Variants in APP observed in about 807,000 individuals in gnomAD.
APP encodes the protein amyloid beta precursor protein.
APP carries 31 observed loss-of-function variants against 101.4 expected under a neutral mutation model. That is an observed-to-expected ratio of 0.31 (90% CI 0.23 to 0.41). APP has a LOEUF of 0.41. Among genes scored for constraint, APP ranks in the 10% least tolerant of loss-of-function variants. APP has a pLI of 1.00. For missense variants in APP, 839 were observed against 1,003.7 expected, an observed-to-expected ratio of 0.84 and a Z score of 2.22; for synonymous variants, 366 against 364.4, an observed-to-expected ratio of 1.00 and a Z score of -0.05.
chr21:26,022,336 CA>C (rs1165819171), intron 5 of APP, among the ~76,000 whole-genome samples: 1 of 152,026 alleles, frequency 6.6e-6, no homozygotes, highest in African/African-American at 2.4e-5. Context: ...GCCAGTGGTT[CA>C]GGGGGAGTGG....
At chr21:25,954,554 T>C (rs200835481) in intron 13 of APP, 36 bp downstream of exon 13, 13 of 1,548,502 alleles carry the variant, frequency 8.4e-6, no homozygotes, top group African/African-American at 8.2e-5. Context: ...GGAAAATACA[T>C]GTCCATGTGC....
intron 1 of APP, among the ~76,000 whole-genome samples, chr21:26,136,205 A>AAAGAAAGAAAGAAAGAAAGAAAGAAG (rs758175200): frequency 6.8e-5 from 8 of 116,984 alleles, no homozygotes; most frequent in African/African-American, 2.9e-4. Context: ...AAGAAAGAAA[A>AAAGAAAGAAAGAAAGAAAGAAAGAAG]GAAAAGAAAG....
upstream of APP, chr21:26,170,837 C>T (rs1761849610): frequency 8.2e-6 from 4 of 487,776 alleles, no homozygotes; most frequent in South Asian, 1.4e-4. Flanking sequence ...CCCCGCTCGG[C>T]ACCCGAGAGA....
intron 13 of APP, among the ~76,000 whole-genome samples, chr21:25,914,617 A>C (rs111262630): frequency 2.1e-5 from 3 of 141,646 alleles, no homozygotes; most frequent in South Asian, 2.2e-4. Context: ...GCAGTGGCGC[A>C]ATCTCGGCTC....
intron 7 of APP, 35 bp from the exon 8 acceptor site, chr21:25,997,451 A>G: frequency 1.9e-6 from 3 of 1,562,222 alleles, no homozygotes; most frequent in Non-Finnish European, 2.6e-6. Flanking sequence ...ACTAAAAACA[A>G]AAAGAGAAAC....
chr21:26,051,823 A>C (rs2045851276), intron 4 of APP, among the ~76,000 whole-genome samples: 1 of 152,242 alleles, frequency 6.6e-6, no homozygotes, highest in Non-Finnish European at 1.5e-5. Flanking sequence ...AGCATCCACT[A>C]GTGATAAATG....
At chr21:26,159,224 T>C (rs1429341688) in intron 1 of APP, among the ~76,000 whole-genome samples, 1 of 152,000 alleles carries the variant, frequency 6.6e-6, no homozygotes, top group Non-Finnish European at 1.5e-5. Context: ...GGACTACAGG[T>C]GCCTGTCACC....
chr21:26,104,142 C>G (rs977022314), intron 2 of APP, among the ~76,000 whole-genome samples: 1 of 152,102 alleles, frequency 6.6e-6, no homozygotes, highest in Non-Finnish European at 1.5e-5. Context: ...TATAAGGGCA[C>G]TAGTTCCATC....
intron 4 of APP, among the ~76,000 whole-genome samples, chr21:26,051,775 T>A (rs745355759): frequency 6.6e-6 from 1 of 152,230 alleles, no homozygotes; most frequent in Non-Finnish European, 1.5e-5. Flanking sequence ...TGGGATTTGC[T>A]AAATTTGCAC....
At position 25,881,266 on chromosome 21, in the gene APP, A is replaced by T. The variant is rs199765959; in HGVS notation, c.*404T>A. Reference sequence around the variant, plus strand: ...GAAGCAGCTGAACTCCCACGTTCACATGAAGCATCCCCCATCGATTCTTAA... The same window carrying T: ...GAAGCAGCTGAACTCCCACGTTCACTTGAAGCATCCCCCATCGATTCTTAA... On this transcript the variant is annotated 3_prime_UTR_variant, in exon 18 of 18. Coordinates refer to ENST00000346798, the MANE Select transcript of APP (RefSeq NM_000484.4). The T allele has an allele frequency of 1.1e-5, 3 of 265,340 alleles. No individual in the cohort carries two copies. The highest frequency in any genetic ancestry group is 2.2e-5 in the African/African-American group (1 of 44,826). The allele number at this position is 265,340 out of a possible 1,614,324, so 16.4% of individuals were successfully genotyped here. A position where few individuals can be genotyped will look rare whatever the true frequency, so the allele number is the denominator to read the frequency against.
chr21:25,902,729 A>T (rs1275120585), intron 15 of APP, among the ~76,000 whole-genome samples: 5 of 152,232 alleles, frequency 3.3e-5, no homozygotes, highest in Non-Finnish European at 7.3e-5. Flanking sequence ...CCCATCACAG[A>T]ACATTCTTGT....
At chr21:26,159,589 T>C (rs1386937198) in intron 1 of APP, among the ~76,000 whole-genome samples, 6 of 152,204 alleles carry the variant, frequency 3.9e-5, no homozygotes, top group East Asian at 1.9e-4. Flanking sequence ...CAACCTCTGA[T>C]AGAAATGAGC....
At chr21:25,950,381 CTT>C (rs57124711) in intron 13 of APP, among the ~76,000 whole-genome samples, 6,318 of 133,028 alleles carry the variant, frequency 0.047, 450 homozygotes, top group African/African-American at 0.16. Context: ...TTTTTTTTTT[CTT>C]TTTTTTTTTT....
intron 16 of APP, 52 bp downstream of exon 16, chr21:25,897,521 G>T: frequency 7.5e-7 from 1 of 1,339,220 alleles, no homozygotes; most frequent in Non-Finnish European, 1.1e-6. Context: ...AGAGTTAATA[G>T]GTCATTTGGC....
intron 6 of APP, among the ~76,000 whole-genome samples, chr21:26,013,472 C>G (rs1184599251): frequency 3.2e-5 from 4 of 123,552 alleles, no homozygotes; most frequent in African/African-American, 1.2e-4. Context: ...GTGCCTGAGG[C>G]ATCTGCACAC....
chr21:25,973,563 A>G (rs1476397917), intron 11 of APP, among the ~76,000 whole-genome samples: 1 of 152,232 alleles, frequency 6.6e-6, no homozygotes, highest in African/African-American at 2.4e-5. Context: ...ACTATACAAA[A>G]TAAAAACTGA....
chr21:25,975,369 T>C (rs933756955), intron 10 of APP, 141 bp from the exon 11 acceptor site: 467 of 1,106,834 alleles, frequency 4.2e-4, no homozygotes, highest in Admixed American at 3.6e-4. Flanking sequence ...CATTCCAACA[T>C]TGACTAATTC....
At chr21:26,170,940 G>T, upstream of APP, 1 of 260,480 alleles carries the variant, frequency 3.8e-6, no homozygotes, top group Admixed American at 5.5e-5. Flanking sequence ...CCTTGGCGCC[G>T]CCTGCACCCC....
chr21:25,889,857 GAAAC>G (rs2037572487), intron 17 of APP, among the ~76,000 whole-genome samples: 1 of 151,050 alleles, frequency 6.6e-6, no homozygotes, highest in Non-Finnish European at 1.5e-5. Context: ...AAAAAACAAA[GAAAC>G]AACAACAACA....
Sources: gnomAD v4.1 joint callset for allele counts (sites outside exome capture counted in the v4.1 genomes callset) on GRCh38, gnomAD v4.1.1 for gene constraint, MANE v1.5 for transcripts, NCBI Gene and HGNC (gene_info 2026-07-23, HGNC 2026-07-21) for gene names.